The following GLI2 variants were observed in gnomAD, a reference collection of about 807,000 sequenced individuals.
GLI2 encodes GLI family zinc finger 2, also known as transcription activator GLI2.
In GLI2, 22 loss-of-function variants were observed where a neutral mutation model predicts 78.9. The ratio of observed to expected loss-of-function variants is 0.28; its 90% CI spans 0.20 to 0.40. GLI2 has a LOEUF of 0.40. Among genes scored for constraint, GLI2 ranks in the 10% least tolerant of loss-of-function variants. The pLI is 1.00. For synonymous variants in GLI2, 974 were observed against 963.7 expected, an observed-to-expected ratio of 1.01 and a Z score of -0.20; for missense variants, 2,097 against 2,213.2, an observed-to-expected ratio of 0.95 and a Z score of 1.05.
intron 3 of GLI2, among the ~76,000 whole-genome samples, chr2:120,951,003 A>C (rs563422159): frequency 1.3e-5 from 2 of 152,330 alleles, no homozygotes; most frequent in East Asian, 3.9e-4. Context: ...CCAGCGTGGA[A>C]CTGGCCGGCG....
At chr2:120,952,403 G>A (rs533840182) in intron 4 of GLI2, among the ~76,000 whole-genome samples, 4 of 152,178 alleles carry the variant, frequency 2.6e-5, no homozygotes, top group African/African-American at 7.2e-5. Context: ...CATTCTCCCC[G>A]AGAGGAATGC....
intron 2 of GLI2, among the ~76,000 whole-genome samples, chr2:120,897,852 C>T (rs1457809374): frequency 6.6e-6 from 1 of 152,156 alleles, no homozygotes; most frequent in Non-Finnish European, 1.5e-5. Context: ...AGGGTGCTAA[C>T]ATTTTATGAG....
chr2:120,754,659 A>G (rs907002203), intron 1 of GLI2, among the ~76,000 whole-genome samples: 2 of 152,204 alleles, frequency 1.3e-5, no homozygotes, highest in African/African-American at 4.8e-5. Flanking sequence ...TTGTTTGTCC[A>G]GATGCCTGTT....
chr2:120,759,585 C>A (rs1357693799), intron 1 of GLI2, among the ~76,000 whole-genome samples: 3 of 152,150 alleles, frequency 2.0e-5, no homozygotes, highest in Non-Finnish European at 2.9e-5. Context: ...CCTCCATGCC[C>A]TTTTGGGTGC....
intron 1 of GLI2, among the ~76,000 whole-genome samples, chr2:120,796,320 A>G (rs1558800200): frequency 6.6e-6 from 1 of 151,864 alleles, no homozygotes; most frequent in African/African-American, 2.4e-5. Flanking sequence ...CTTAACCCAA[A>G]CCACCATTGT....
intron 2 of GLI2, among the ~76,000 whole-genome samples, chr2:120,885,975 A>G (rs1370567569): frequency 2.0e-5 from 3 of 152,174 alleles, no homozygotes; most frequent in African/African-American, 7.2e-5. Flanking sequence ...TTTACTGAGC[A>G]CCTGTTATAT....
rs749402521 is a variant in GLI2 at position 120,990,206 on chromosome 2, C to T, written c.4241C>T (p.Pro1414Leu). ...AACATGGGGTCGGTGCCTCCCCAGC[C>T]GCCTCCGCAGGACGCAGGTGGGGCC... ...MGNMGSVPPQPPPQDAGGAPD... is the reference protein window; with the variant it reads ...MGNMGSVPPQLPPQDAGGAPD... The change falls in exon 14 of 14, where the codon CCG becomes CTG. Residue 1414 changes from proline (P) to leucine (L), a missense_variant. Pro to Leu is a moderately conservative substitution (Grantham distance 98, BLOSUM62 -3). Transcript: ENST00000361492. 4.2e-5 allele frequency: 68 copies of T among 1,613,368 alleles called. No individual in the cohort carries two copies. Among genetic ancestry groups the T allele is most frequent in the East Asian group, 8.9e-5 (4 of 44,892 alleles).
At chr2:120,892,324 G>A (rs774054250) in intron 2 of GLI2, among the ~76,000 whole-genome samples, 2 of 152,212 alleles carry the variant, frequency 1.3e-5, no homozygotes, top group Admixed American at 6.5e-5. Context: ...GAGGAACTAC[G>A]TGGTCATTCG....
chr2:120,888,464 A>G (rs1418414368), intron 2 of GLI2, among the ~76,000 whole-genome samples: 3 of 151,930 alleles, frequency 2.0e-5, no homozygotes, highest in Non-Finnish European at 4.4e-5. Flanking sequence ...TATCTTCTTA[A>G]TTTTCAGGGT....
At chr2:120,904,038 G>A (rs1678395178) in intron 2 of GLI2, among the ~76,000 whole-genome samples, 2 of 152,070 alleles carry the variant, frequency 1.3e-5, no homozygotes, top group African/African-American at 4.8e-5. Context: ...CCAAGGGTGG[G>A]GAGGAGGCTG....
chr2:120,752,573 C>G (rs1393525341), intron 1 of GLI2, among the ~76,000 whole-genome samples: 1 of 152,052 alleles, frequency 6.6e-6, no homozygotes, highest in Non-Finnish European at 1.5e-5. Context: ...CTGGCCCTAT[C>G]TTTAATTTTT....
At chr2:120,872,843 G>A (rs1050495938) in intron 2 of GLI2, among the ~76,000 whole-genome samples, 3 of 152,178 alleles carry the variant, frequency 2.0e-5, no homozygotes, top group African/African-American at 7.2e-5. Context: ...TATGTCACTT[G>A]TTCAATTACT....
chr2:120,833,014 C>A (rs1176232614), intron 2 of GLI2, among the ~76,000 whole-genome samples: 1 of 152,064 alleles, frequency 6.6e-6, no homozygotes, highest in Admixed American at 6.6e-5. Flanking sequence ...AAACTTGGGG[C>A]CTGGAGCCCA....
At chr2:120,978,780 C>T (rs1187454872) in intron 10 of GLI2, among the ~76,000 whole-genome samples, 197 bp downstream of exon 10, 1 of 152,182 alleles carries the variant, frequency 6.6e-6, no homozygotes, top group Non-Finnish European at 1.5e-5. Context: ...CGTCCCAGAC[C>T]TTGATGGACT....
intron 4 of GLI2, 102 bp downstream of exon 4, chr2:120,951,547 C>A (rs2104951924): frequency 1.4e-6 from 1 of 727,184 alleles, no homozygotes; most frequent in Non-Finnish European, 2.3e-6. Context: ...CCTTGGTCCC[C>A]TTGAATGGTG....
At chr2:120,743,550 T>G (rs947231685) in intron 1 of GLI2, among the ~76,000 whole-genome samples, 7 of 152,226 alleles carry the variant, frequency 4.6e-5, no homozygotes, top group African/African-American at 1.7e-4. Context: ...CCCAGATAAC[T>G]GTTAGGAAGA....
intron 2 of GLI2, among the ~76,000 whole-genome samples, chr2:120,849,807 A>C (rs1242723899): frequency 1.3e-5 from 2 of 152,240 alleles, no homozygotes; most frequent in African/African-American, 4.8e-5. Flanking sequence ...GAGGAGATGA[A>C]AATGTAAACA....
chr2:120,930,983 G>A (rs1487448945), intron 3 of GLI2, among the ~76,000 whole-genome samples: 2 of 152,236 alleles, frequency 1.3e-5, no homozygotes, highest in Admixed American at 1.3e-4. Context: ...GGGAGGAGTG[G>A]CCCAGCCAGA....
At chr2:120,809,924 A>T (rs1685157395) in intron 2 of GLI2, among the ~76,000 whole-genome samples, 1 of 152,126 alleles carries the variant, frequency 6.6e-6, no homozygotes. Flanking sequence ...AACCTGAATC[A>T]TTGACTGTGG....
Sources: allele counts gnomAD v4.1 joint callset (sites outside exome capture counted in the v4.1 genomes callset), GRCh38; gene constraint gnomAD v4.1.1; transcripts MANE v1.5; gene names NCBI Gene and HGNC (gene_info 2026-07-23, HGNC 2026-07-21).